KRT19: variants seen among roughly 807,000 people sequenced by gnomAD.
KRT19 encodes the protein keratin 19, also known as keratin, type I cytoskeletal 19.
Under a neutral mutation model 34.6 loss-of-function variants are expected in KRT19, and 21 were observed. The observed-to-expected ratio is 0.61, with a 90% confidence interval of 0.43 to 0.87. KRT19 has a LOEUF of 0.87. KRT19 is among the 40% of genes least tolerant of loss of function. KRT19 has a pLI of 0.00. For synonymous variants in KRT19, 240 were observed against 245.8 expected (o/e 0.98, Z 0.22); for missense variants, 514 against 545.7 (o/e 0.94, Z 0.58).
intron 2 of KRT19, 46 bp from the exon 3 acceptor site, chr17:41,525,045 TC>T: frequency 6.2e-7 from 1 of 1,606,302 alleles, no homozygotes; most frequent in Non-Finnish European, 8.5e-7. Flanking sequence ...CCTCAGCATC[TC>T]TGAAGACTTC....
At chr17:41,525,081 C>A (rs1243284126) in intron 2 of KRT19, 82 bp from the exon 3 acceptor site, 6 of 1,583,146 alleles carry the variant, frequency 3.8e-6, no homozygotes, top group African/African-American at 2.7e-5. Context: ...GTTCAGGAGT[C>A]CATAGGGGGG....
chr17:41,524,777 A>T (rs1388631760), intron 3 of KRT19, 66 bp downstream of exon 3: 2 of 1,565,792 alleles, frequency 1.3e-6, no homozygotes, highest in Non-Finnish European at 1.8e-6. Flanking sequence ...GAGAATACAG[A>T]ATAAAAGAGT....
In KRT19 at chr17:41,525,203, T is replaced by A. The variant is rs1567722482; in HGVS notation, c.491A>T (p.Asp164Val). 6.2e-7 allele frequency: 1 copy of A among 1,613,118 alleles called. No homozygotes were observed. Among genetic ancestry groups the A allele is most frequent in the Non-Finnish European group, 8.5e-7 (1 of 1,179,214 alleles). ...QIDNARLAAD[D>V]FRTKFETEQA... ...CAGAGACACTCACTTGGTTCGGAAG[T>A]CATCTGCAGCCAGACGGGCATTGTC... The change falls in exon 2 of 6, where the codon GAC (aspartate) becomes GTC (valine). Residue 164 changes from aspartate to valine, a missense_variant. Transcript: ENST00000361566.
At position 41,523,830 on chromosome 17, in the gene KRT19, C is replaced by A. The variant is rs746545379; in HGVS notation, c.1116G>T (p.Arg372=). ...EYQRLMDIKS[R]LEQEIATYRS... is the part of the protein sequence containing the mutation. ...GGTAGGTGGCAATCTCCTGCTCCAGCCGCGACTTGATGTCCATGAGCCGCT... is the reference window on the plus strand; with the variant it reads ...GGTAGGTGGCAATCTCCTGCTCCAGACGCGACTTGATGTCCATGAGCCGCT... The change falls in exon 6 of 6, where the codon CGG becomes CGT. Residue 372 remains arginine, a synonymous_variant. Transcript: ENST00000361566. The A allele has an allele frequency of 2.2e-5, 35 of 1,613,856 alleles. No homozygotes were observed. The South Asian group carries it at 2.9e-4, about 13-fold the overall frequency.
chr17:41,525,087 G>C lies in KRT19; in HGVS notation c.504-88C>G, dbSNP rs960875952. 129 of 1,581,802 alleles carry C rather than the reference G, an allele frequency of 8.2e-5. 1 individual carries two copies. The Admixed American group carries it at 1.3e-3, about 16-fold the overall frequency. Reference sequence around the variant, plus strand: ...CTCCCCAGAGTTCAGGAGTCCATAGGGGGGTTAGCTTCAGGCCATCTAGGC... The same window carrying C: ...CTCCCCAGAGTTCAGGAGTCCATAGCGGGGTTAGCTTCAGGCCATCTAGGC... On this transcript the variant is annotated intron_variant, in intron 2 of 5. Coordinates refer to ENST00000361566, the MANE Select transcript of KRT19 (RefSeq NM_002276.5).
chr17:41,528,262 C>T lies in KRT19; in HGVS notation c.-15G>A, dbSNP rs1389429207. 2 of 1,540,350 alleles carry T rather than the reference C, an allele frequency of 1.3e-6. No individual in the cohort carries two copies. Among genetic ancestry groups the T allele is most frequent in the South Asian group, 1.2e-5 (1 of 80,644 alleles). On this transcript the variant is annotated 5_prime_UTR_variant, in exon 1 of 6. The change creates a new upstream start codon in the 5' untranslated region. Coordinates refer to ENST00000361566, the MANE Select transcript of KRT19 (RefSeq NM_002276.5). ...TAGGAAGTCATGGCGAGGCGGAGCA[C>T]GGACGGAGCAACCCTGGTCTCAGAA...
In KRT19 at chr17:41,525,015, G is replaced by T. The variant is rs1905812037; in HGVS notation, c.504-16C>A. On this transcript the variant is annotated splice_polypyrimidine_tract_variant and intron_variant, in intron 2 of 5. Transcript: ENST00000361566. ...CGTCTCAAACCTTTCAAAGGAAATA[G>T]TTGCAGCCAGGCAGAGCTTCCTCAG... is the stretch of plus-strand genomic sequence containing the variant. 1 of 1,611,378 alleles carries T rather than the reference G, an allele frequency of 6.2e-7. No homozygotes were observed. The highest frequency in any genetic ancestry group is 1.3e-5 in the African/African-American group (1 of 75,000).
chr17:41,526,464 T>G (rs1384759003), intron 1 of KRT19, among the ~76,000 whole-genome samples: 1 of 138,890 alleles, frequency 7.2e-6, no homozygotes, highest in Non-Finnish European at 1.6e-5. Flanking sequence ...TTTTTTTTTT[T>G]GATACAGGGT....
rs11550877 is a variant in KRT19, at chr17:41,528,039, G to A, written c.209C>T (p.Thr70Ile). ...GCCCGCCAGCAGCCCGTCGGACGCG[G>A]TCAGGACGCCGCCGTAGCCGCCGCC... ...AYGGGYGGVL[T>I]ASDGLLAGNE... Residue 70 changes from threonine to isoleucine, a missense_variant, in exon 1 of 6, where the codon ACC (threonine) becomes ATC (isoleucine). By Grantham distance (89) the Thr-to-Ile change is moderately conservative. Coordinates refer to ENST00000361566, the MANE Select transcript of KRT19 (RefSeq NM_002276.5). 6.2e-7 allele frequency: 1 copy of A among 1,611,950 alleles called. No homozygotes were observed. Among genetic ancestry groups the A allele is most frequent in the Non-Finnish European group, 8.5e-7 (1 of 1,179,690 alleles).
Position 41,527,874 on chromosome 17 carries a change from C to T in KRT19, c.374G>A (p.Arg125His). 4.3e-6 allele frequency: 7 copies of T among 1,612,962 alleles called. No individual in the cohort carries two copies. Among genetic ancestry groups the T allele is most frequent in the Non-Finnish European group, 5.1e-6 (6 of 1,179,452 alleles). ...GGTCGTGTAGTAGTGGCTGTAGTCG[C>T]GGGAGGGCCCAGGCCCCTGCTTCTG... ...WYQKQGPGPS[R>H]DYSHYYTTIQ... Residue 125 changes from arginine to histidine, a missense_variant, in exon 1 of 6, where the codon CGC becomes CAC. Transcript: ENST00000361566.
intron 4 of KRT19, 43 bp from the exon 5 acceptor site, chr17:41,524,311 C>A (rs1905778820): frequency 1.2e-6 from 2 of 1,611,452 alleles, no homozygotes; most frequent in African/African-American, 1.3e-5. Context: ...TGAGTCAGAC[C>A]TTCGCGTAGG....
intron 1 of KRT19, among the ~76,000 whole-genome samples, chr17:41,527,205 C>G (rs939115174): frequency 3.4e-5 from 5 of 148,020 alleles, no homozygotes; most frequent in Non-Finnish European, 7.5e-5. Context: ...TGGGTCCTCC[C>G]CAGCAGAGGT....
Position 41,524,163 on chromosome 17 carries a change from G to T in KRT19, c.928C>A (p.Leu310Met), listed in dbSNP as rs1192474436. The change falls in exon 5 of 6, where the codon CTG (leucine) becomes ATG (methionine). Residue 310 changes from leucine (L) to methionine (M), a missense_variant. Coordinates refer to ENST00000361566, the MANE Select transcript of KRT19 (RefSeq NM_002276.5). ...RRTLQGLEIE[L>M]QSQLSMKAAL... is the part of the protein sequence containing the mutation. ...CATACCATGCTCAGCTGTGACTGCA[G>T]CTCAATCTCAAGACCCTGAAGGGTG... is the stretch of plus-strand genomic sequence containing the variant. 1.9e-6 allele frequency: 3 copies of T among 1,613,992 alleles called. No individual in the cohort carries two copies. In the South Asian group the frequency reaches 3.3e-5, roughly 18 times the overall value.
rs776306030 is a variant in KRT19 at position 41,524,884 on chromosome 17, G to A, written c.619C>T (p.Leu207=). 3.7e-6 allele frequency: 6 copies of A among 1,614,092 alleles called. No individual in the cohort carries two copies. The African/African-American group carries it at 8.0e-5, about 22-fold the overall frequency. Reference sequence around the variant, plus strand: ...TTCAGGTAGGCCAGCTCTTCCTTCAGGCCTTCGATCTGCATCTCCAGGTCG... The same window carrying A: ...TTCAGGTAGGCCAGCTCTTCCTTCAAGCCTTCGATCTGCATCTCCAGGTCG... ...RTDLEMQIEG[L]KEELAYLKKN... The change falls in exon 3 of 6, where the codon CTG becomes TTG. Residue 207 remains leucine (L), a synonymous_variant. Transcript: ENST00000361566.
In KRT19 at chr17:41,523,805, G is replaced by A. The variant is rs748758773; in HGVS notation, c.1141C>T (p.Arg381Cys). 13 of 1,613,882 alleles carry A rather than the reference G, an allele frequency of 8.1e-6. No individual in the cohort carries two copies. Among genetic ancestry groups the A allele is most frequent in the South Asian group, 2.2e-5 (2 of 91,064 alleles). ...SRLEQEIATY[R>C]SLLEGQEDHY... ...TCTTCCTGTCCCTCGAGCAGGCTGC[G>A]GTAGGTGGCAATCTCCTGCTCCAGC... The change falls in exon 6 of 6, where the codon CGC becomes TGC. Residue 381 changes from arginine to cysteine, a missense_variant. Transcript: ENST00000361566.
Position 41,528,068 on chromosome 17 carries a change from G to GCC in KRT19, c.179_180insGG (p.Tyr61AlafsTer10). On this transcript the variant is annotated frameshift_variant, in exon 1 of 6. Transcript: ENST00000361566. LOFTEE classifies it high-confidence loss of function. Reference sequence around the variant, plus strand: ...GGACGCCGCCGTAGCCGCCGCCGTAGGCCCCCGAGGAGGACGAGGACACAA... The same window carrying GCC: ...GGACGCCGCCGTAGCCGCCGCCGTAGCCGCCCCCGAGGAGGACGAGGACACAA... The GCC allele has an allele frequency of 1.9e-6, 3 of 1,608,798 alleles. No individual in the cohort carries two copies. The highest frequency in any genetic ancestry group is 1.3e-5 in the African/African-American group (1 of 74,950).
chr17:41,527,454 G>A (rs902395793), intron 1 of KRT19, among the ~76,000 whole-genome samples: 1 of 152,320 alleles, frequency 6.6e-6, no homozygotes, highest in Admixed American at 6.5e-5. Flanking sequence ...ATCTTCCTGC[G>A]GCAGCGCGGC....
chr17:41,527,751 T>G, intron 1 of KRT19, 77 bp downstream of exon 1: 1 of 1,473,330 alleles, frequency 6.8e-7, no homozygotes, highest in Non-Finnish European at 9.0e-7. Context: ...CCGCCCCGCC[T>G]GGAACCTCGC....
At position 41,523,933 on chromosome 17, in the gene KRT19, A is replaced by G; in HGVS notation, c.1013T>C (p.Ile338Thr). 6.2e-7 allele frequency: 1 copy of G among 1,613,900 alleles called. No individual in the cohort carries two copies. Among genetic ancestry groups the G allele is most frequent in the Non-Finnish European group, 8.5e-7 (1 of 1,179,916 alleles). The part of the protein sequence containing the change: ...EARFGAQLAH[I>T]QALISGIEAQ... ...TTCAATACCGCTGATCAGCGCCTGG[A>G]TATGCGCCAGCTGGGCTCCAAAGCG... The change falls in exon 6 of 6, where the codon ATC (isoleucine) becomes ACC (threonine). Residue 338 changes from isoleucine (I) to threonine (T), a missense_variant. Transcript: ENST00000361566.
Sources: allele counts gnomAD v4.1 joint callset (sites outside exome capture counted in the v4.1 genomes callset), GRCh38; gene constraint gnomAD v4.1.1; transcripts MANE v1.5; gene names NCBI Gene and HGNC (gene_info 2026-07-23, HGNC 2026-07-21).